CCDC158: variants seen among roughly 807,000 people sequenced by gnomAD.
The protein encoded by CCDC158 is coiled-coil domain containing 158.
CCDC158 carries 116 observed loss-of-function variants against 138.6 expected under a neutral mutation model. That is an observed-to-expected ratio of 0.84 (90% CI 0.72 to 0.98). The LOEUF (loss-of-function observed/expected upper bound fraction) is 0.98, where lower values mean the gene tolerates loss of function less well. Among genes scored for constraint, CCDC158 ranks in the 50% least tolerant of loss-of-function variants. The pLI is 0.00. For missense variants in CCDC158, 1,265 were observed against 1,306.1 expected (o/e 0.97, Z 0.48); for synonymous variants, 436 against 442.4 (o/e 0.99, Z 0.18).
At chr4:76,415,428 C>G (rs1729613407) in intron 1 of CCDC158, among the ~76,000 whole-genome samples, 1 of 152,028 alleles carries the variant, frequency 6.6e-6, no homozygotes, top group Non-Finnish European at 1.5e-5. Flanking sequence ...AAGCCGGCTG[C>G]AGAAATTTGC....
At chr4:76,389,041 T>C (rs2109800196) in intron 4 of CCDC158, among the ~76,000 whole-genome samples, 1 of 152,090 alleles carries the variant, frequency 6.6e-6, no homozygotes, top group African/African-American at 2.4e-5. Flanking sequence ...CTAACTTCAA[T>C]GCCCAGACAC....
At chr4:76,370,172 C>T (rs1161513885) in intron 10 of CCDC158, among the ~76,000 whole-genome samples, 1 of 152,162 alleles carries the variant, frequency 6.6e-6, no homozygotes, top group Non-Finnish European at 1.5e-5. Flanking sequence ...GATATATCTA[C>T]ACTCAAATGA....
rs1160664762 is a variant in CCDC158 at position 76,375,509 on chromosome 4, G to A, written c.1029+3781C>T. 11 of 698,840 alleles carry A rather than the reference G, an allele frequency of 1.6e-5. 1 individual carries two copies. The highest frequency in any genetic ancestry group is 1.2e-4 in the South Asian group (8 of 66,852). The allele number at this position is 698,840 out of a possible 1,614,324, so 43.3% of individuals were successfully genotyped here. ...TGCACAGTATATAGCTCCAGCCAGTGCTACTAAATCATCACTTTTTTAATA... is the reference window on the plus strand; with the variant it reads ...TGCACAGTATATAGCTCCAGCCAGTACTACTAAATCATCACTTTTTTAATA... On this transcript the variant is annotated intron_variant, in intron 9 of 24. Transcript: ENST00000682701.
chr4:76,353,833 A>T (rs1723277604), intron 15 of CCDC158, among the ~76,000 whole-genome samples: 1 of 152,218 alleles, frequency 6.6e-6, no homozygotes. Context: ...ACAACATTTC[A>T]TTAAAATTAG....
At chr4:76,417,206 C>CT (rs1308421193) in intron 1 of CCDC158, among the ~76,000 whole-genome samples, 1 of 152,176 alleles carries the variant, frequency 6.6e-6, no homozygotes, top group Non-Finnish European at 1.5e-5. Context: ...TGCATGGGCC[C>CT]TGTAACTCCT....
chr4:76,352,954 G>T, intron 16 of CCDC158, 169 bp downstream of exon 16: 2 of 531,106 alleles, frequency 3.8e-6, no homozygotes, highest in Non-Finnish European at 6.1e-6. Context: ...TTAAAATTCA[G>T]AAACGCCTTC....
chr4:76,366,096 A>C (rs568759994), intron 12 of CCDC158, among the ~76,000 whole-genome samples: 1 of 152,290 alleles, frequency 6.6e-6, no homozygotes, highest in Admixed American at 6.5e-5. Flanking sequence ...ACACACTAGC[A>C]ATCCACTAGT....
chr4:76,351,775 T>G lies in CCDC158; in HGVS notation c.2483A>C (p.Gln828Pro). Residue 828 changes from glutamine to proline, a missense_variant, in exon 17 of 25, where the codon CAG (glutamine) becomes CCG (proline). Transcript: ENST00000682701. Reference sequence around the variant, plus strand: ...GCGCACTGATTCTTGCTCCTGACGCTGTATTATATCTTGACATTCTGCAAA... The same window carrying G: ...GCGCACTGATTCTTGCTCCTGACGCGGTATTATATCTTGACATTCTGCAAA... ...LQFAECQDIIQRQEQESVRLK... is the reference protein window; with the variant it reads ...LQFAECQDIIPRQEQESVRLK... The G allele has an allele frequency of 6.2e-7, 1 of 1,613,366 alleles. No individual in the cohort carries two copies. The highest frequency in any genetic ancestry group is 8.5e-7 in the Non-Finnish European group (1 of 1,179,456).
Position 76,353,157 on chromosome 4 carries a change from T to C in CCDC158, c.2411A>G (p.Glu804Gly), listed in dbSNP as rs777706411. Residue 804 changes from glutamate (E) to glycine (G), a missense_variant, in exon 16 of 25, where the codon GAA (glutamate) becomes GGA (glycine). Physicochemically the swap from Glu to Gly is moderately conservative, Grantham distance 98. Transcript: ENST00000682701. ...VLRSQERRLK[E>G]KVTNMEVALD... ...AGCCACTTCCATATTAGTAACCTTTTCTTTCAAACGGCGTTCCTGAGATCG... is the reference window on the plus strand; with the variant it reads ...AGCCACTTCCATATTAGTAACCTTTCCTTTCAAACGGCGTTCCTGAGATCG... 2.5e-6 allele frequency: 4 copies of C among 1,613,644 alleles called. No homozygotes were observed.
chr4:76,391,608 T>C (rs28622283), intron 4 of CCDC158, among the ~76,000 whole-genome samples: 4,470 of 151,850 alleles, frequency 0.029, 215 homozygotes, highest in African/African-American at 0.1. Flanking sequence ...ATTTAAATGA[T>C]GTATTTTAAA....
At position 76,421,108 on chromosome 4, in the gene CCDC158, C is replaced by T. The variant is rs1030945151; in HGVS notation, c.-260G>A. On this transcript the variant is annotated 5_prime_UTR_variant, in exon 1 of 25. Coordinates refer to ENST00000682701, the MANE Select transcript of CCDC158 (RefSeq NM_001394954.1). Reference sequence around the variant, plus strand: ...CCTAGGCCCCGCGGAGGCTGCGGGGCGGCTCCTCCTCCTCGGCTGCGGCGC... The same window carrying T: ...CCTAGGCCCCGCGGAGGCTGCGGGGTGGCTCCTCCTCCTCGGCTGCGGCGC... Among the ~76,000 whole-genome samples the T allele has an allele frequency of 6.6e-6, 1 of 152,000 alleles. No homozygotes were observed. The highest frequency in any genetic ancestry group is 1.5e-5 in the Non-Finnish European group (1 of 67,972).
intron 3 of CCDC158, among the ~76,000 whole-genome samples, chr4:76,397,449 T>A (rs1333293456): frequency 2.0e-5 from 3 of 152,120 alleles, no homozygotes; most frequent in Non-Finnish European, 4.4e-5. Context: ...TAAACCTAAG[T>A]AAATAAGGAA....
rs775805076 is a variant in CCDC158, at chr4:76,355,379, T to C, written c.2231A>G (p.Asp744Gly). ...AAACTGTATCTTGCTCTGAAGGGCATCTATCTGACCTCTTTTGGCTGTGAT... is the reference window on the plus strand; with the variant it reads ...AAACTGTATCTTGCTCTGAAGGGCACCTATCTGACCTCTTTTGGCTGTGAT... ...KQITAKRGQI[D>G]ALQSKIQFLE... The change falls in exon 15 of 25, where the codon GAT (aspartate) becomes GGT (glycine). Residue 744 changes from aspartate (D) to glycine (G), a missense_variant. Asp to Gly is a moderately conservative substitution (Grantham distance 94). Coordinates refer to ENST00000682701, the MANE Select transcript of CCDC158 (RefSeq NM_001394954.1). The C allele has an allele frequency of 2.5e-6, 4 of 1,613,918 alleles. No individual in the cohort carries two copies. The East Asian group carries it at 8.9e-5, about 36-fold the overall frequency.
chr4:76,341,093 C>A (rs1722005133), intron 18 of CCDC158, among the ~76,000 whole-genome samples: 1 of 152,126 alleles, frequency 6.6e-6, no homozygotes, highest in South Asian at 2.1e-4. Flanking sequence ...ACTCTGAAAT[C>A]ATTTTATGTT....
intron 18 of CCDC158, among the ~76,000 whole-genome samples, chr4:76,334,977 C>T (rs1324430975): frequency 2.0e-5 from 3 of 152,082 alleles, no homozygotes; most frequent in Non-Finnish European, 4.4e-5. Flanking sequence ...CTCATATTCT[C>T]CTCTTCTCAA....
chr4:76,318,468 A>T (rs182493347), intron 24 of CCDC158, among the ~76,000 whole-genome samples: 1 of 152,112 alleles, frequency 6.6e-6, no homozygotes, highest in African/African-American at 2.4e-5. Context: ...AGGAAAAAAA[A>T]CAGAAACTCT....
chr4:76,409,216 T>C (rs556641491), intron 2 of CCDC158, among the ~76,000 whole-genome samples: 2 of 152,352 alleles, frequency 1.3e-5, no homozygotes, highest in African/African-American at 4.8e-5. Flanking sequence ...AAGTCATCAG[T>C]GTTTCTCTAC....
At position 76,351,112 on chromosome 4, in the gene CCDC158, C is replaced by A; in HGVS notation, c.2548G>T (p.Gly850Cys). 6.2e-7 allele frequency: 1 copy of A among 1,611,378 alleles called. No individual in the cohort carries two copies. Residue 850 changes from glycine to cysteine, a missense_variant, in exon 18 of 25, where the codon GGC becomes TGC. By Grantham distance (159) the Gly-to-Cys change is radical. Transcript: ENST00000682701. ...QHTLDIKELQ[G>C]PGYTSNSSLK... ...GAAGAATTTGAGGTGTATCCAGGGC[C>A]CTGAAGTTCCTGGAAAACAATATAG...
intron 16 of CCDC158, chr4:76,352,670 C>T (rs1723165145): frequency 6.5e-6 from 1 of 152,692 alleles, no homozygotes; most frequent in African/African-American, 2.4e-5. Flanking sequence ...CCTTCTCATT[C>T]TTTAAGCTAT....
Sources: allele counts gnomAD v4.1 joint callset (sites outside exome capture counted in the v4.1 genomes callset), GRCh38; gene constraint gnomAD v4.1.1; transcripts MANE v1.5; gene names NCBI Gene and HGNC (gene_info 2026-07-23, HGNC 2026-07-21).